NTAN1: variants seen among roughly 807,000 people sequenced by gnomAD.
The protein encoded by NTAN1 is N-terminal asparagine amidase.
Under a neutral mutation model 41.9 loss-of-function variants are expected in NTAN1, and 32 were observed. That is an observed-to-expected ratio of 0.76 (90% CI 0.58 to 1.03). The LOEUF (loss-of-function observed/expected upper bound fraction) is 1.03. Among genes scored for constraint, NTAN1 ranks in the 50% least tolerant of loss-of-function variants. NTAN1 has a pLI of 0.00. For synonymous variants in NTAN1, 140 were observed against 139.5 expected (o/e 1.00, Z -0.03); for missense variants, 377 against 377.5 (o/e 1.00, Z 0.01).
chr16:15,047,675 G>A, intron 3 of NTAN1, 125 bp from the exon 4 acceptor site: 1 of 919,660 alleles, frequency 1.1e-6, no homozygotes, highest in Non-Finnish European at 1.8e-6. Flanking sequence ...AAACGGACAG[G>A]TCTGTGCTCC....
chr16:15,048,092 G>C lies in NTAN1; in HGVS notation c.89C>G (p.Ala30Gly). ...AACAGACTGACCTCTGAGAAGTCTG[G>C]CTCTTTCCTGTTTAATTAAAAAAAA... Reference protein sequence around the residue: ...VRAHPPLEERARLLRGQSVQQ... With the variant: ...VRAHPPLEERGRLLRGQSVQQ... The change falls in exon 2 of 10, where the codon GCC (alanine) becomes GGC (glycine). Residue 30 changes from alanine to glycine, a missense_variant. By Grantham distance (60) the Ala-to-Gly change is moderately conservative. Coordinates refer to ENST00000287706, the MANE Select transcript of NTAN1 (RefSeq NM_173474.4). 6.3e-7 allele frequency: 1 copy of C among 1,582,096 alleles called. No individual in the cohort carries two copies. The highest frequency in any genetic ancestry group is 8.6e-7 in the Non-Finnish European group (1 of 1,159,920).
intron 3 of NTAN1, 85 bp from the exon 4 acceptor site, chr16:15,047,635 C>T (rs1316072237): frequency 3.8e-5 from 40 of 1,065,820 alleles, no homozygotes; most frequent in East Asian, 7.1e-5. Context: ...CCCTCCGGAC[C>T]GCCTCATCTT....
intron 1 of NTAN1, among the ~76,000 whole-genome samples, chr16:15,054,099 A>AT (rs1474245473): frequency 6.6e-6 from 1 of 152,146 alleles, no homozygotes; most frequent in Non-Finnish European, 1.5e-5. Context: ...TGGCCAGGAC[A>AT]CCCACCCACT....
intron 8 of NTAN1, among the ~76,000 whole-genome samples, chr16:15,039,386 T>G (rs2043705303): frequency 6.6e-6 from 1 of 152,204 alleles, no homozygotes; most frequent in Non-Finnish European, 1.5e-5. Context: ...GAATGTGATT[T>G]CCGTTTTTTC....
intron 4 of NTAN1, chr16:15,047,085 A>G: frequency 3.6e-6 from 1 of 280,652 alleles, no homozygotes; most frequent in Admixed American, 4.8e-5. Context: ...GGTGTAGGTG[A>G]GAGGAAGCAT....
At chr16:15,047,397 G>A (rs371601818) in intron 4 of NTAN1, 45 bp downstream of exon 4, 15 of 1,261,356 alleles carry the variant, frequency 1.2e-5, no homozygotes, top group Middle Eastern at 1.8e-4. Context: ...TGTATGCGAC[G>A]GTTCCAAGAT....
At position 15,047,933 on chromosome 16, in the gene NTAN1, G is replaced by A. The variant is rs2044141338; in HGVS notation, c.185-13C>T. ...ATGGAGATGGAGCCTGTTTAAAAAA[G>A]AAATAAAATAAAATATCCAATAGCC... On this transcript the variant is annotated splice_polypyrimidine_tract_variant and intron_variant, in intron 2 of 9. Coordinates refer to ENST00000287706, the MANE Select transcript of NTAN1 (RefSeq NM_173474.4). 6.2e-7 allele frequency: 1 copy of A among 1,611,834 alleles called. No individual in the cohort carries two copies. The highest frequency in any genetic ancestry group is 8.5e-7 in the Non-Finnish European group (1 of 1,177,982).
intron 8 of NTAN1, 33 bp from the exon 9 acceptor site, chr16:15,038,720 G>T (rs1478028711): frequency 8.1e-7 from 1 of 1,227,356 alleles, no homozygotes; most frequent in Non-Finnish European, 1.2e-6. Flanking sequence ...TAGAATTTCA[G>T]GAATGTCACC....
At chr16:15,042,569 G>A (rs999478685) in intron 5 of NTAN1, among the ~76,000 whole-genome samples, 2 of 151,948 alleles carry the variant, frequency 1.3e-5, no homozygotes, top group Non-Finnish European at 2.9e-5. Context: ...ATTTTTTAGC[G>A]ACTACATAAT....
At chr16:15,043,398 G>T (rs1395873865) in intron 5 of NTAN1, among the ~76,000 whole-genome samples, 1 of 152,198 alleles carries the variant, frequency 6.6e-6, no homozygotes, top group Non-Finnish European at 1.5e-5. Flanking sequence ...TTAAAAATCA[G>T]CTGGGCATGG....
intron 1 of NTAN1, among the ~76,000 whole-genome samples, chr16:15,055,087 T>C (rs527493466): frequency 4.6e-5 from 7 of 152,230 alleles, no homozygotes; most frequent in South Asian, 2.1e-4. Flanking sequence ...CAACAGATAT[T>C]AGGGGCTCGA....
At chr16:15,041,573 A>G (rs1195317601) in intron 6 of NTAN1, 50 bp downstream of exon 6, 4 of 1,340,148 alleles carry the variant, frequency 3.0e-6, no homozygotes, top group Non-Finnish European at 3.2e-6. Flanking sequence ...CTGGGGACAA[A>G]ACGGTCCTGA....
chr16:15,053,720 G>A (rs1024846044), intron 1 of NTAN1, among the ~76,000 whole-genome samples: 1 of 152,150 alleles, frequency 6.6e-6, no homozygotes, highest in Admixed American at 6.5e-5. Flanking sequence ...AGAACAGCCT[G>A]GCCAACATGG....
intron 5 of NTAN1, 42 bp downstream of exon 5, chr16:15,044,291 AT>A: frequency 7.2e-7 from 1 of 1,384,472 alleles, no homozygotes; most frequent in Non-Finnish European, 1.0e-6. Flanking sequence ...ATGGGTACAT[AT>A]TTATGTCCAA....
rs1183655574 is a variant in NTAN1, at chr16:15,038,116, T to A, written c.848A>T (p.His283Leu). 2 of 1,612,122 alleles carry A rather than the reference T, an allele frequency of 1.2e-6. No homozygotes were observed. Among genetic ancestry groups the A allele is most frequent in the Admixed American group, 3.3e-5 (2 of 60,000 alleles). ...MFLKKHPSPA[H>L]TLFSGNKALL... The stretch of plus-strand genomic sequence containing the variant: ...GGCTTTATTTCCAGAAAACAGTGTG[T>A]GAGCTGGAGATGGGTGTTTTTTTAA... The change falls in exon 10 of 10, where the codon CAC becomes CTC. Residue 283 changes from histidine (H) to leucine (L), a missense_variant. By Grantham distance (99) the His-to-Leu change is moderately conservative (BLOSUM62 -3). Coordinates refer to ENST00000287706, the MANE Select transcript of NTAN1 (RefSeq NM_173474.4).
rs1486547936 is a variant in NTAN1, at chr16:15,055,799, G to A, written c.81+92C>T. ...GCTCCGGATGTGCCAACAGCGCCAA[G>A]TTTCAAGTCTGTGTCGCGTGAGGGG... On this transcript the variant is annotated intron_variant, in intron 1 of 9. Transcript: ENST00000287706. 11 of 691,942 alleles carry A rather than the reference G, an allele frequency of 1.6e-5. No homozygotes were observed. The East Asian group carries it at 3.9e-4, about 24-fold the overall frequency. 42.9% of individuals were successfully genotyped at this position (691,942 alleles called of 1,614,324 possible). A position where few individuals can be genotyped will look rare whatever the true frequency, so the allele number is the denominator to read the frequency against.
At chr16:15,039,940 C>T in intron 8 of NTAN1, 29 bp downstream of exon 8, 2 of 1,278,760 alleles carry the variant, frequency 1.6e-6, no homozygotes, top group East Asian at 2.3e-5. Flanking sequence ...TTTTTTTTAA[C>T]CCCTTAACAA....
At chr16:15,043,448 G>A (rs1247895007) in intron 5 of NTAN1, among the ~76,000 whole-genome samples, 1 of 152,206 alleles carries the variant, frequency 6.6e-6, no homozygotes, top group Non-Finnish European at 1.5e-5. Context: ...AGGCTGAGGA[G>A]GGAGGATCAC....
chr16:15,048,449 G>C (rs1296742521), intron 1 of NTAN1, among the ~76,000 whole-genome samples: 1 of 152,022 alleles, frequency 6.6e-6, no homozygotes, highest in African/African-American at 2.4e-5. Flanking sequence ...TGAACTCCTG[G>C]GCTCAAGCAA....
Sources: allele counts gnomAD v4.1 joint callset (sites outside exome capture counted in the v4.1 genomes callset), GRCh38; gene constraint gnomAD v4.1.1; transcripts MANE v1.5; gene names NCBI Gene and HGNC (gene_info 2026-07-23, HGNC 2026-07-21).